Variants in KIRREL3 observed in about 807,000 individuals in gnomAD.
The protein encoded by KIRREL3 is kirre like nephrin family adhesion molecule 3, also known as kin of IRRE-like protein 3.
KIRREL3 carries 36 observed loss-of-function variants against 89.7 expected under a neutral mutation model. That is an observed-to-expected ratio of 0.40 (90% CI 0.31 to 0.53). KIRREL3 has a LOEUF of 0.53. Among genes scored for constraint, KIRREL3 ranks in the 20% least tolerant of loss-of-function variants. KIRREL3 has a pLI of 0.49. For synonymous variants in KIRREL3, 445 were observed against 441.4 expected, an observed-to-expected ratio of 1.01 and a Z score of -0.10; for missense variants, 864 against 1,056.6, an observed-to-expected ratio of 0.82 and a Z score of 2.53.
At chr11:126,820,704 G>A (rs1272415144) in intron 1 of KIRREL3, among the ~76,000 whole-genome samples, 1 of 152,070 alleles carries the variant, frequency 6.6e-6, no homozygotes, top group Non-Finnish European at 1.5e-5. Flanking sequence ...CACAAGCAGA[G>A]TCTCAGCGGG....
chr11:126,440,401 T>G (rs1302117145), intron 11 of KIRREL3, 48 bp downstream of exon 11: 1 of 1,517,174 alleles, frequency 6.6e-7, no homozygotes. Context: ...CAAAAGTGAC[T>G]GTTGGGCTGC....
chr11:126,510,202 C>T (rs981491233), intron 4 of KIRREL3, among the ~76,000 whole-genome samples: 14 of 152,134 alleles, frequency 9.2e-5, no homozygotes, highest in African/African-American at 3.4e-4. Flanking sequence ...TCTGAATCTT[C>T]CCCTCTCTTG....
rs1007446301 is a variant in KIRREL3, at chr11:126,771,467, T to A, written c.56-208555A>T. On this transcript the variant is annotated intron_variant, in intron 1 of 16. Transcript: ENST00000525144. This position sits in a 1 kb window ranked among gnomAD's most constrained non-coding sequence, Gnocchi z 4.4. ...TATTAATTATCCATTTATCTGATAA[T>A]TTCTTTGCATCTTTTTTGGCTTTGC... Among the ~76,000 whole-genome samples, 15 of 152,236 alleles carry A rather than the reference T, an allele frequency of 9.9e-5. No individual in the cohort carries two copies. Among genetic ancestry groups the A allele is most frequent in the African/African-American group, 3.6e-4 (15 of 41,460 alleles).
chr11:126,942,556 C>A (rs1416395915), intron 1 of KIRREL3, among the ~76,000 whole-genome samples: 1 of 152,172 alleles, frequency 6.6e-6, no homozygotes, highest in African/African-American at 2.4e-5. Context: ...GCTCTTCCAG[C>A]TGGAGGGGGT....
intron 4 of KIRREL3, among the ~76,000 whole-genome samples, chr11:126,483,951 G>T (rs1957285161): frequency 6.6e-6 from 1 of 152,158 alleles, no homozygotes; most frequent in South Asian, 2.1e-4. Flanking sequence ...TCTCCCACCT[G>T]CAGCCTCTGC....
At chr11:126,824,662 T>A (rs1014464207) in intron 1 of KIRREL3, among the ~76,000 whole-genome samples, 1 of 152,184 alleles carries the variant, frequency 6.6e-6, no homozygotes, top group African/African-American at 2.4e-5. Context: ...TTATTTTGAG[T>A]CTTTGATCAG....
At chr11:126,549,210 A>G (rs1278290635) in intron 2 of KIRREL3, 1 of 152,146 alleles carries the variant, frequency 6.6e-6, no homozygotes, top group Non-Finnish European at 1.5e-5. Context: ...TGTATTTCAA[A>G]CCGTTATATA....
intron 1 of KIRREL3, among the ~76,000 whole-genome samples, chr11:126,928,181 T>C (rs1947799093): frequency 6.6e-6 from 1 of 152,240 alleles, no homozygotes; most frequent in Non-Finnish European, 1.5e-5. Context: ...GGAGCTTCAC[T>C]GGCCTTGAGG....
At chr11:126,749,762 C>T (rs906150714) in intron 1 of KIRREL3, among the ~76,000 whole-genome samples, 9 of 152,156 alleles carry the variant, frequency 5.9e-5, no homozygotes, top group Non-Finnish European at 1.3e-4. Flanking sequence ...AAAGTGACTG[C>T]TGTGATCATT....
chr11:126,479,147 C>T (rs1277173661), intron 4 of KIRREL3, among the ~76,000 whole-genome samples: 1 of 152,164 alleles, frequency 6.6e-6, no homozygotes, highest in Non-Finnish European at 1.5e-5. Context: ...CTGCCGCAGA[C>T]CCAGGGGCTC....
At chr11:126,439,498 C>T (rs1274096358) in intron 11 of KIRREL3, among the ~76,000 whole-genome samples, 1 of 139,642 alleles carries the variant, frequency 7.2e-6, no homozygotes, top group African/African-American at 2.6e-5. Context: ...GAGGCTCCTG[C>T]TCAGTAAGAC....
chr11:126,671,742 C>G (rs1366900257), intron 1 of KIRREL3, among the ~76,000 whole-genome samples: 1 of 152,174 alleles, frequency 6.6e-6, no homozygotes, highest in Non-Finnish European at 1.5e-5. Context: ...CTCTACACAC[C>G]TCTTAGCATG....
intron 1 of KIRREL3, among the ~76,000 whole-genome samples, chr11:126,857,457 C>A (rs1944557149): frequency 6.6e-6 from 1 of 152,176 alleles, no homozygotes; most frequent in African/African-American, 2.4e-5. Flanking sequence ...TAGAGCTTCC[C>A]AGCAGGATCA....
chr11:126,502,036 T>G (rs181135888), intron 4 of KIRREL3, among the ~76,000 whole-genome samples: 1 of 151,990 alleles, frequency 6.6e-6, no homozygotes, highest in East Asian at 1.9e-4. Context: ...AAATCAGAAT[T>G]TTTTTTTAAT....
rs567139974 is a variant in KIRREL3 at position 126,521,519 on chromosome 11, T to G, written c.284-55A>C. ...TGGGGTGGGGTGGAGGGGACACCCATGACAAAGAGGCACAGAATGGAGGAC... is the reference window on the plus strand; with the variant it reads ...TGGGGTGGGGTGGAGGGGACACCCAGGACAAAGAGGCACAGAATGGAGGAC... On this transcript the variant is annotated intron_variant, in intron 3 of 16. Transcript: ENST00000525144. The surrounding 1 kb of genome is among the most constrained non-coding windows in gnomAD (Gnocchi z 4.1). 3 of 1,486,956 alleles carry G rather than the reference T, an allele frequency of 2.0e-6. No individual in the cohort carries two copies. The highest frequency in any genetic ancestry group is 2.5e-5 in the South Asian group (2 of 80,540). 92.1% of individuals were successfully genotyped at this position (1,486,956 alleles called of 1,614,324 possible).
chr11:126,585,585 C>T (rs562040195), intron 1 of KIRREL3, among the ~76,000 whole-genome samples: 3 of 152,358 alleles, frequency 2.0e-5, no homozygotes, highest in African/African-American at 7.2e-5. Flanking sequence ...AGAGGCTTCG[C>T]TCCCATCTCC....
In KIRREL3 at chr11:126,812,885, C is replaced by T. The variant is rs138054556; in HGVS notation, c.55+187570G>A. 1.3e-5 allele frequency among the ~76,000 whole-genome samples: 2 copies of T among 152,162 alleles called. No individual in the cohort carries two copies. The highest frequency in any genetic ancestry group is 2.9e-5 in the Non-Finnish European group (2 of 68,030). On this transcript the variant is annotated intron_variant, in intron 1 of 16. Transcript: ENST00000525144. The surrounding 1 kb of genome is among the most constrained non-coding windows in gnomAD (Gnocchi z 5.2). ...AAAGGAAGTGGCCTACGGGAATCTG[C>T]GCACCTCTGCTGTGACCGGGAAGCT...
In KIRREL3 at chr11:126,593,104, G is replaced by T. The variant is rs991232648; in HGVS notation, c.56-30192C>A. On this transcript the variant is annotated intron_variant, in intron 1 of 16. Coordinates refer to ENST00000525144, the MANE Select transcript of KIRREL3 (RefSeq NM_032531.4). ...TGAATGGGTCTCCAATAGGAAAAAA[G>T]CCAGGGCTTTGGAGAAACAGATGCT... Among the ~76,000 whole-genome samples the T allele has an allele frequency of 2.2e-4, 34 of 152,278 alleles. No individual in the cohort carries two copies. The East Asian group carries it at 3.5e-3, about 16-fold the overall frequency.
intron 4 of KIRREL3, among the ~76,000 whole-genome samples, chr11:126,478,364 G>A (rs1165812948): frequency 1.3e-5 from 2 of 152,128 alleles, no homozygotes; most frequent in Non-Finnish European, 2.9e-5. Flanking sequence ...TTGTGATATT[G>A]CTGTATCACA....
Sources: gnomAD v4.1 joint callset for allele counts (sites outside exome capture counted in the v4.1 genomes callset) on GRCh38, gnomAD v4.1.1 for gene constraint, Gnocchi (gnomAD v3.1) non-coding constraint, MANE v1.5 for transcripts, NCBI Gene and HGNC (gene_info 2026-07-23, HGNC 2026-07-21) for gene names.